MIS18BP1: variants seen among roughly 807,000 people sequenced by gnomAD.
MIS18BP1 encodes the protein mis18-binding protein 1.
MIS18BP1 carries 72 observed loss-of-function variants against 116.1 expected under a neutral mutation model. That is an observed-to-expected ratio of 0.62 (90% CI 0.51 to 0.75). The LOEUF (loss-of-function observed/expected upper bound fraction) is 0.75. Among genes scored for constraint, MIS18BP1 ranks in the 30% least tolerant of loss-of-function variants. The pLI is 0.00. For synonymous variants in MIS18BP1, 386 were observed against 427.0 expected (o/e 0.90, Z 1.18); for missense variants, 1,363 against 1,303.2 (o/e 1.05, Z -0.71).
chr14:45,252,200 C>T (rs986108798), intron 1 of MIS18BP1, among the ~76,000 whole-genome samples: 1 of 152,164 alleles, frequency 6.6e-6, no homozygotes, highest in Non-Finnish European at 1.5e-5. Context: ...ACCCACTACA[C>T]AGGGAAGTTC....
intron 1 of MIS18BP1, among the ~76,000 whole-genome samples, chr14:45,250,802 C>T (rs994303011): frequency 2.0e-5 from 3 of 151,936 alleles, no homozygotes; most frequent in South Asian, 2.1e-4. Context: ...GATCACGAGG[C>T]GAATGACGGC....
chr14:45,252,092 T>C (rs1357280146), intron 1 of MIS18BP1, among the ~76,000 whole-genome samples: 1 of 149,452 alleles, frequency 6.7e-6, no homozygotes, highest in East Asian at 1.9e-4. Context: ...GGTGGTTAAG[T>C]AAGCTGCCCA....
At chr14:45,245,103 T>C (rs551077564) in intron 2 of MIS18BP1, among the ~76,000 whole-genome samples, 10 of 152,340 alleles carry the variant, frequency 6.6e-5, no homozygotes, top group Middle Eastern at 3.4e-3. Context: ...CAATTCCTCT[T>C]GTCACATTAT....
At chr14:45,217,208 G>C (rs1378567754) in intron 12 of MIS18BP1, 29 bp from the exon 13 acceptor site, 4 of 1,605,832 alleles carry the variant, frequency 2.5e-6, no homozygotes, top group Non-Finnish European at 2.6e-6. Context: ...ATTTTGATAA[G>C]GATTTGGTTA....
At chr14:45,211,724 T>C (rs1006652751) in intron 13 of MIS18BP1, among the ~76,000 whole-genome samples, 1 of 152,178 alleles carries the variant, frequency 6.6e-6, no homozygotes, top group Non-Finnish European at 1.5e-5. Context: ...ACCTATCTGA[T>C]CTTCTGTTGG....
At chr14:45,216,341 G>C (rs1487880991) in intron 13 of MIS18BP1, among the ~76,000 whole-genome samples, 2 of 152,190 alleles carry the variant, frequency 1.3e-5, no homozygotes, top group East Asian at 3.8e-4. Context: ...TCTGTTAGCA[G>C]TGGATATTTT....
At chr14:45,240,607 T>C (rs1275326376) in intron 4 of MIS18BP1, among the ~76,000 whole-genome samples, 1 of 152,060 alleles carries the variant, frequency 6.6e-6, no homozygotes, top group African/African-American at 2.4e-5. Context: ...TGTCTTGCTA[T>C]ATAAGGGAAA....
Position 45,224,613 on chromosome 14 carries a change from T to C in MIS18BP1, c.1974A>G (p.Arg658=). Residue 658 remains arginine, a synonymous_variant, in exon 11 of 17, where the codon AGA becomes AGG. Coordinates refer to ENST00000310806, the MANE Select transcript of MIS18BP1 (RefSeq NM_018353.5). The part of the protein sequence containing the change: ...AYILVTPLKS[R]KVIEQRCMRY... ...TCATGCATCTTTGCTCTATCACTTT[T>C]CTAGATTTAAGTGGTGTTACTAAAA... 2 of 1,613,788 alleles carry C rather than the reference T, an allele frequency of 1.2e-6. No individual in the cohort carries two copies. Among genetic ancestry groups the C allele is most frequent in the Non-Finnish European group, 1.7e-6 (2 of 1,179,902 alleles).
rs181696499 is a variant in MIS18BP1 at position 45,214,916 on chromosome 14, A to C, written c.3003+2103T>G. Reference sequence around the variant, plus strand: ...ACAGGTGCCCACCACCATGCCAGCTAATTTTTGTATTTTTAGTAGAGACGG... The same window carrying C: ...ACAGGTGCCCACCACCATGCCAGCTCATTTTTGTATTTTTAGTAGAGACGG... On this transcript the variant is annotated intron_variant, in intron 13 of 16. Coordinates refer to ENST00000310806, the MANE Select transcript of MIS18BP1 (RefSeq NM_018353.5). Among the ~76,000 whole-genome samples the C allele has an allele frequency of 4.9e-3, 751 of 152,102 alleles. 30 individuals carry two copies. The highest frequency in any genetic ancestry group is 0.043 in the Admixed American group (659 of 15,294).
chr14:45,235,906 A>G lies in MIS18BP1; in HGVS notation c.1256T>C (p.Ile419Thr), dbSNP rs1891416636. 3 of 1,611,858 alleles carry G rather than the reference A, an allele frequency of 1.9e-6. No homozygotes were observed. Among genetic ancestry groups the G allele is most frequent in the Non-Finnish European group, 1.7e-6 (2 of 1,178,762 alleles). ...TNIYWHSNVI[I>T]ERIEHNKLRT... ...AAGTTTGTTGTGCTCAATCCGCTCT[A>G]TAATTACATTACTGTGCCAATATAT... Residue 419 changes from isoleucine (I) to threonine (T), a missense_variant, in exon 6 of 17, where the codon ATA becomes ACA. Transcript: ENST00000310806.
chr14:45,205,494 T>G (rs1321110037), intron 15 of MIS18BP1, among the ~76,000 whole-genome samples: 1 of 152,122 alleles, frequency 6.6e-6, no homozygotes, highest in Non-Finnish European at 1.5e-5. Flanking sequence ...AATTAAAAAT[T>G]TAAAAAGTAA....
Position 45,237,074 on chromosome 14 carries a change from T to C in MIS18BP1, c.1217+574A>G, listed in dbSNP as rs568545160. On this transcript the variant is annotated intron_variant, in intron 5 of 16. Transcript: ENST00000310806. The stretch of plus-strand genomic sequence containing the variant: ...TGTCACCCAGGCTGGAGAACAGTTA[T>C]AACCTTTTATTACAAATATTTGTAG... 5.0e-4 allele frequency among the ~76,000 whole-genome samples: 75 copies of C among 151,038 alleles called. 3 individuals carry two copies. The South Asian group carries it at 0.015, about 30-fold the overall frequency.
intron 14 of MIS18BP1, among the ~76,000 whole-genome samples, chr14:45,209,173 TACAC>T (rs141735848): frequency 7.3e-5 from 11 of 150,632 alleles, no homozygotes; most frequent in East Asian, 3.9e-4. Flanking sequence ...AAAGCAATTA[TACAC>T]ACACACACAC....
chr14:45,235,663 A>T, intron 6 of MIS18BP1, 151 bp downstream of exon 6: 1 of 557,310 alleles, frequency 1.8e-6, no homozygotes, highest in Admixed American at 4.1e-5. Context: ...ATCAGAAAAA[A>T]AATTACCAGT....
chr14:45,235,887 G>A lies in MIS18BP1; in HGVS notation c.1275C>T (p.Asn425=), dbSNP rs776348768. The part of the protein sequence containing the change: ...SNVIIERIEH[N]KLRTISGNVY... ...CGTTGCCTGATATAGTCCTAAGTTT[G>A]TTGTGCTCAATCCGCTCTATAATTA... The change falls in exon 6 of 17, where the codon AAC becomes AAT. Residue 425 remains asparagine, a synonymous_variant. Coordinates refer to ENST00000310806, the MANE Select transcript of MIS18BP1 (RefSeq NM_018353.5). 2 of 1,611,380 alleles carry A rather than the reference G, an allele frequency of 1.2e-6. No homozygotes were observed. The highest frequency in any genetic ancestry group is 1.7e-6 in the Non-Finnish European group (2 of 1,178,376).
chr14:45,248,161 T>G (rs1891776767), intron 1 of MIS18BP1, among the ~76,000 whole-genome samples: 1 of 151,098 alleles, frequency 6.6e-6, no homozygotes, highest in African/African-American at 2.4e-5. Flanking sequence ...CCTCCCAGGT[T>G]CAAGCAATTC....
intron 8 of MIS18BP1, among the ~76,000 whole-genome samples, chr14:45,229,350 A>C (rs1047031692): frequency 1.3e-5 from 2 of 151,976 alleles, no homozygotes; most frequent in Admixed American, 1.3e-4. Flanking sequence ...ACAAGAAATA[A>C]AAAACAAGCC....
intron 1 of MIS18BP1, among the ~76,000 whole-genome samples, chr14:45,249,178 A>C (rs982565370): frequency 1.3e-5 from 2 of 151,664 alleles, no homozygotes; most frequent in Non-Finnish European, 2.9e-5. Flanking sequence ...TGCAATCTCC[A>C]CCTCATGGGT....
At chr14:45,229,128 CTGGGGG>C (rs1354635129) in intron 8 of MIS18BP1, among the ~76,000 whole-genome samples, 1 of 146,186 alleles carries the variant, frequency 6.8e-6, no homozygotes, top group Non-Finnish European at 1.5e-5. Context: ...ACCAAGATCC[CTGGGGG>C]TGGGGGTGGG....
Sources: gnomAD v4.1 joint callset for allele counts (sites outside exome capture counted in the v4.1 genomes callset) on GRCh38, gnomAD v4.1.1 for gene constraint, MANE v1.5 for transcripts, NCBI Gene and HGNC (gene_info 2026-07-23, HGNC 2026-07-21) for gene names.